TBC1D22A: variants seen among roughly 807,000 people sequenced by gnomAD.
TBC1D22A encodes the protein TBC1 domain family member 22A.
TBC1D22A carries 38 observed loss-of-function variants against 60.2 expected under a neutral mutation model. The ratio of observed to expected loss-of-function variants is 0.63; its 90% CI spans 0.49 to 0.83. The LOEUF is 0.83. Among genes scored for constraint, TBC1D22A ranks in the 40% least tolerant of loss-of-function variants. The pLI is 0.00. For synonymous variants in TBC1D22A, 302 were observed against 281.7 expected (o/e 1.07, Z -0.72); for missense variants, 628 against 701.0 (o/e 0.90, Z 1.18).
chr22:47,134,454 C>T (rs1225978533), intron 12 of TBC1D22A, among the ~76,000 whole-genome samples: 3 of 152,248 alleles, frequency 2.0e-5, no homozygotes, highest in Admixed American at 6.5e-5. Flanking sequence ...CACCGCCCCT[C>T]GCCAGCTCCT....
chr22:47,114,864 C>T (rs569593649), intron 12 of TBC1D22A, among the ~76,000 whole-genome samples: 4 of 152,240 alleles, frequency 2.6e-5, no homozygotes, highest in Admixed American at 6.5e-5. Flanking sequence ...CGATGGGTCA[C>T]GCTGCCCCTT....
In TBC1D22A at chr22:47,063,009, C is replaced by T. The variant is rs144700676; in HGVS notation, c.1329+25811C>T. On this transcript the variant is annotated intron_variant, in intron 11 of 12. Coordinates refer to ENST00000337137, the MANE Select transcript of TBC1D22A (RefSeq NM_014346.5). ...GGAACATGGAAACAGGGAGAAGGTGCCACTGTGGTGACCCCAGAGGAAGGA... is the reference window on the plus strand; with the variant it reads ...GGAACATGGAAACAGGGAGAAGGTGTCACTGTGGTGACCCCAGAGGAAGGA... Among the ~76,000 whole-genome samples, 636 of 152,238 alleles carry T rather than the reference C, an allele frequency of 4.2e-3. 1 individual carries two copies. Among genetic ancestry groups the T allele is most frequent in the Non-Finnish European group, 7.0e-3 (475 of 68,008 alleles).
At position 46,958,268 on chromosome 22, in the gene TBC1D22A, G is replaced by C. The variant is rs369573646; in HGVS notation, c.1016-16022G>C. Among the ~76,000 whole-genome samples, 4 of 152,298 alleles carry C rather than the reference G, an allele frequency of 2.6e-5. No homozygotes were observed. The East Asian group carries it at 5.8e-4, about 22-fold the overall frequency. Reference sequence around the variant, plus strand: ...TCAGGTCCATTCAGTCCTCTATTTGGTTCCCTTTGGGGCTGGAGGTACAAG... The same window carrying C: ...TCAGGTCCATTCAGTCCTCTATTTGCTTCCCTTTGGGGCTGGAGGTACAAG... On this transcript the variant is annotated intron_variant, in intron 8 of 12. Transcript: ENST00000337137.
intron 12 of TBC1D22A, among the ~76,000 whole-genome samples, chr22:47,150,820 G>C (rs1281636740): frequency 2.0e-5 from 3 of 152,104 alleles, no homozygotes; most frequent in African/African-American, 4.8e-5. Context: ...CCGTGCGTGT[G>C]ACCCTCCCTT....
At chr22:46,903,688 A>G (rs1322391736) in intron 7 of TBC1D22A, among the ~76,000 whole-genome samples, 1 of 152,148 alleles carries the variant, frequency 6.6e-6, no homozygotes, top group Non-Finnish European at 1.5e-5. Context: ...AAGAAGCAGC[A>G]CACAGGAGTG....
chr22:47,155,899 A>G (rs1423308848), intron 12 of TBC1D22A, among the ~76,000 whole-genome samples: 1 of 152,258 alleles, frequency 6.6e-6, no homozygotes, highest in Non-Finnish European at 1.5e-5. Context: ...TGTGATAGAA[A>G]GGTTAAAAAT....
chr22:47,080,827 C>T (rs534306979), intron 11 of TBC1D22A, among the ~76,000 whole-genome samples: 1 of 152,086 alleles, frequency 6.6e-6, no homozygotes, highest in South Asian at 2.1e-4. Context: ...AAATCAGTAA[C>T]ATTGAAACAT....
At chr22:47,074,682 G>A (rs1200341943) in intron 11 of TBC1D22A, among the ~76,000 whole-genome samples, 1 of 152,214 alleles carries the variant, frequency 6.6e-6, no homozygotes, top group Non-Finnish European at 1.5e-5. Flanking sequence ...AAGTGGCACT[G>A]TCTGAATTCT....
At chr22:46,811,272 G>A (rs547592278) in intron 4 of TBC1D22A, among the ~76,000 whole-genome samples, 61 of 152,314 alleles carry the variant, frequency 4.0e-4, no homozygotes, top group South Asian at 3.3e-3. Flanking sequence ...TTCTGGGGTG[G>A]GGTGGAACCA....
intron 7 of TBC1D22A, among the ~76,000 whole-genome samples, chr22:46,901,632 T>C (rs1468937712): frequency 6.6e-6 from 1 of 152,230 alleles, no homozygotes; most frequent in Non-Finnish European, 1.5e-5. Flanking sequence ...TTATGTGATA[T>C]ATGGTTGCCT....
At chr22:46,904,138 T>TGCCTAC (rs2069242058) in intron 7 of TBC1D22A, among the ~76,000 whole-genome samples, 1 of 55,262 alleles carries the variant, frequency 1.8e-5, no homozygotes, top group African/African-American at 6.7e-5. Context: ...TATCTATCTA[T>TGCCTAC]CTATCTACCT....
chr22:47,060,526 GTTCAAACGA>G (rs1428070629), intron 11 of TBC1D22A, among the ~76,000 whole-genome samples: 2 of 152,178 alleles, frequency 1.3e-5, no homozygotes, highest in Non-Finnish European at 2.9e-5. Context: ...CGCTTCCCGG[GTTCAAACGA>G]TTCTCCTACC....
chr22:46,877,078 A>G (rs904649315), intron 4 of TBC1D22A, among the ~76,000 whole-genome samples: 14 of 152,180 alleles, frequency 9.2e-5, no homozygotes, highest in African/African-American at 2.9e-4. Flanking sequence ...CTGTGCTACA[A>G]AAGTCTTTTT....
chr22:46,876,417 A>G (rs956615293), intron 4 of TBC1D22A, among the ~76,000 whole-genome samples: 9 of 152,184 alleles, frequency 5.9e-5, no homozygotes, highest in African/African-American at 2.2e-4. Flanking sequence ...AATAATATAA[A>G]TCGTTCTATT....
intron 4 of TBC1D22A, among the ~76,000 whole-genome samples, chr22:46,860,456 C>CTTG: frequency 2.4e-5 from 1 of 40,860 alleles, no homozygotes. Context: ...AATCCTTTTC[C>CTTG]ATAGAGGTCC....
chr22:46,928,503 G>T (rs1367040927), intron 8 of TBC1D22A, among the ~76,000 whole-genome samples: 3 of 152,212 alleles, frequency 2.0e-5, no homozygotes, highest in African/African-American at 7.2e-5. Context: ...TCATGACCTT[G>T]GGTTAGGCCA....
chr22:46,897,634 CGTTTT>C (rs1569189436), intron 7 of TBC1D22A, among the ~76,000 whole-genome samples: 1 of 118,622 alleles, frequency 8.4e-6, no homozygotes, highest in African/African-American at 3.8e-5. Context: ...TGTTTTGTTT[CGTTTT>C]GTTTTTTTTT....
chr22:47,080,983 G>A (rs2147561343), intron 11 of TBC1D22A, among the ~76,000 whole-genome samples: 1 of 152,272 alleles, frequency 6.6e-6, no homozygotes, highest in African/African-American at 2.4e-5. Context: ...AGCTGGGCGT[G>A]ATGGCGCATG....
intron 12 of TBC1D22A, among the ~76,000 whole-genome samples, chr22:47,151,593 G>A (rs1282918589): frequency 1.3e-5 from 2 of 152,162 alleles, no homozygotes; most frequent in Non-Finnish European, 2.9e-5. Context: ...TCTCCAGGGG[G>A]CCTCACTGGG....
Sources: allele counts gnomAD v4.1 joint callset (sites outside exome capture counted in the v4.1 genomes callset), GRCh38; gene constraint gnomAD v4.1.1; transcripts MANE v1.5; gene names NCBI Gene and HGNC (gene_info 2026-07-23, HGNC 2026-07-21).